The following ARMH4 variants were observed in gnomAD, a reference collection of about 807,000 sequenced individuals.
ARMH4 encodes the protein armadillo like helical domain containing 4.
A neutral mutation model predicts 61.9 loss-of-function variants in ARMH4; 49 were observed. The observed-to-expected ratio is 0.79, with a 90% CI of 0.63 to 1.00. ARMH4 has a LOEUF of 1.00. Among genes scored for constraint, ARMH4 ranks in the 50% least tolerant of loss-of-function variants. The pLI is 0.00. For synonymous variants in ARMH4, 368 were observed against 341.5 expected, an observed-to-expected ratio of 1.08 and a Z score of -0.85; for missense variants, 934 against 930.0, an observed-to-expected ratio of 1.00 and a Z score of -0.06.
chr14:58,010,207 G>A lies in ARMH4; in HGVS notation c.2121+1912C>T, dbSNP rs78757607. 4.7e-3 allele frequency among the ~76,000 whole-genome samples: 716 copies of A among 150,746 alleles called. 7 individuals are homozygous for A. The highest frequency in any genetic ancestry group is 0.017 in the African/African-American group (684 of 41,292). On this transcript the variant is annotated intron_variant, in intron 6 of 7. Coordinates refer to ENST00000267485, the MANE Select transcript of ARMH4 (RefSeq NM_001001872.4). ...ACAAGACTTTAATAGATGATGGATG[G>A]ATGGATGGATGGACAAACAGAGAGT...
At position 58,002,927 on chromosome 14, in the gene ARMH4, A is replaced by C. The variant is rs1263090433; in HGVS notation, c.*1809T>G. The C allele has an allele frequency of 2.9e-4, 44 of 152,222 alleles. No homozygotes were observed. The highest frequency in any genetic ancestry group is 4.4e-5 in the Non-Finnish European group (3 of 68,048). 9.4% of individuals were successfully genotyped at this position (152,222 alleles called of 1,614,324 possible). On this transcript the variant is annotated 3_prime_UTR_variant, in exon 8 of 8. Transcript: ENST00000267485. ...CTTACATCTCTTGGCAAAAAGAGTT[A>C]AAATTATTTGATGAAAATGTTCTTG...
intron 5 of ARMH4, among the ~76,000 whole-genome samples, chr14:58,065,704 C>A (rs1056387909): frequency 6.6e-6 from 1 of 152,228 alleles, no homozygotes; most frequent in South Asian, 2.1e-4. Context: ...GTGGGCATGG[C>A]CTGTGACTTG....
chr14:58,092,843 T>C (rs1379943948), intron 5 of ARMH4, among the ~76,000 whole-genome samples: 4 of 147,608 alleles, frequency 2.7e-5, no homozygotes, highest in Non-Finnish European at 6.0e-5. Flanking sequence ...TTAGACAGGG[T>C]CTTACTCTGT....
intron 4 of ARMH4, among the ~76,000 whole-genome samples, chr14:58,105,704 A>G (rs1490329957): frequency 1.3e-5 from 2 of 151,690 alleles, no homozygotes; most frequent in Non-Finnish European, 2.9e-5. Flanking sequence ...AAAAAAAAAA[A>G]GAAAGAAAGA....
rs192148135 is a variant in ARMH4, at chr14:58,125,053, T to C, written c.1831+6459A>G. Among the ~76,000 whole-genome samples the C allele has an allele frequency of 6.8e-3, 1,035 of 152,140 alleles. 42 individuals are homozygous for C. The highest frequency in any genetic ancestry group is 0.061 in the Admixed American group (937 of 15,282). ...AAGTCTTTAGGAGATTATTATTGGC[T>C]GTACAGAAACCTAAAGAGGTGGCAG... On this transcript the variant is annotated intron_variant, in intron 4 of 7. Transcript: ENST00000267485.
At chr14:58,086,698 A>G (rs1206396663) in intron 5 of ARMH4, among the ~76,000 whole-genome samples, 2 of 152,190 alleles carry the variant, frequency 1.3e-5, no homozygotes, top group East Asian at 3.8e-4. Context: ...ACAGTACTCC[A>G]TGCTGTGTGC....
At chr14:58,067,389 A>C (rs1231185339) in intron 5 of ARMH4, among the ~76,000 whole-genome samples, 1 of 152,208 alleles carries the variant, frequency 6.6e-6, no homozygotes, top group African/African-American at 2.4e-5. Flanking sequence ...TTAACTAAGC[A>C]ATGCAAAACA....
At chr14:58,123,000 C>G (rs1317674542) in intron 4 of ARMH4, among the ~76,000 whole-genome samples, 2 of 152,180 alleles carry the variant, frequency 1.3e-5, no homozygotes, top group South Asian at 2.1e-4. Flanking sequence ...GACACTGGCA[C>G]AGCCTTCTCG....
intron 4 of ARMH4, chr14:58,116,450 A>G: frequency 2.7e-6 from 1 of 368,426 alleles, no homozygotes. Flanking sequence ...CGAGGCAGGC[A>G]GACTTCTTAA....
At chr14:58,104,358 A>G (rs1399266354) in intron 4 of ARMH4, among the ~76,000 whole-genome samples, 1 of 152,242 alleles carries the variant, frequency 6.6e-6, no homozygotes, top group East Asian at 1.9e-4. Flanking sequence ...GCACTAAGCA[A>G]CTTATAAGAT....
chr14:58,073,526 C>A (rs151075147), intron 5 of ARMH4, among the ~76,000 whole-genome samples: 1 of 152,174 alleles, frequency 6.6e-6, no homozygotes, highest in Non-Finnish European at 1.5e-5. Context: ...ATTATCCTAA[C>A]AAGCAATCAA....
In ARMH4 at chr14:58,028,279, T is replaced by C. The variant is rs1594701841; in HGVS notation, c.2090-16129A>G. ...ATGGAGGGTGTTTTACCCATGGGAATCCTGTACACCCTGAATTGCAGCAGT... is the reference window on the plus strand; with the variant it reads ...ATGGAGGGTGTTTTACCCATGGGAACCCTGTACACCCTGAATTGCAGCAGT... On this transcript the variant is annotated intron_variant, in intron 5 of 7. Transcript: ENST00000267485. 2.0e-5 allele frequency among the ~76,000 whole-genome samples: 3 copies of C among 152,326 alleles called. No individual in the cohort carries two copies. The East Asian group carries it at 5.8e-4, about 29-fold the overall frequency.
intron 5 of ARMH4, among the ~76,000 whole-genome samples, chr14:58,044,309 C>G (rs909672075): frequency 4.6e-5 from 7 of 152,060 alleles, no homozygotes; most frequent in African/African-American, 1.7e-4. Context: ...GAAATAATAC[C>G]ACACATCTAC....
intron 5 of ARMH4, among the ~76,000 whole-genome samples, chr14:58,076,417 G>C (rs1301754270): frequency 6.6e-6 from 1 of 152,180 alleles, no homozygotes; most frequent in African/African-American, 2.4e-5. Flanking sequence ...TCAGTGACTG[G>C]AAAGGACTAA....
chr14:58,131,389 G>C (rs1283350623), intron 4 of ARMH4, 123 bp downstream of exon 4: 1 of 728,430 alleles, frequency 1.4e-6, no homozygotes, highest in African/African-American at 1.8e-5. Flanking sequence ...CCCAGCTGTA[G>C]TTTACTGTCC....
chr14:58,071,518 C>T (rs574558359), intron 5 of ARMH4, among the ~76,000 whole-genome samples: 5 of 152,084 alleles, frequency 3.3e-5, no homozygotes, highest in Non-Finnish European at 7.4e-5. Context: ...ATAACTGGTG[C>T]CAAATTGGCT....
At chr14:58,133,414 T>A in intron 2 of ARMH4, 73 bp from the exon 3 acceptor site, 1 of 1,414,634 alleles carries the variant, frequency 7.1e-7, no homozygotes, top group Non-Finnish European at 9.5e-7. Flanking sequence ...ATGATATGAT[T>A]AAAAACTTGG....
At chr14:58,096,498 T>C (rs1885752382) in intron 5 of ARMH4, among the ~76,000 whole-genome samples, 1 of 152,196 alleles carries the variant, frequency 6.6e-6, no homozygotes, top group African/African-American at 2.4e-5. Flanking sequence ...AGGGCATAAA[T>C]ATAAACTCAT....
chr14:58,030,561 C>A (rs564016111), intron 5 of ARMH4, among the ~76,000 whole-genome samples: 4 of 152,320 alleles, frequency 2.6e-5, no homozygotes, highest in Admixed American at 2.6e-4. Context: ...TCAGCACCAT[C>A]CATCTCCAGA....
Sources: allele counts gnomAD v4.1 joint callset (sites outside exome capture counted in the v4.1 genomes callset), GRCh38; gene constraint gnomAD v4.1.1; transcripts MANE v1.5; gene names NCBI Gene and HGNC (gene_info 2026-07-23, HGNC 2026-07-21).